Variants in SCFD1 observed in about 807,000 individuals in gnomAD.
SCFD1 encodes the protein sec1 family domain containing 1.
Under a neutral mutation model 103.2 loss-of-function variants are expected in SCFD1, and 37 were observed. The observed-to-expected ratio is 0.36, with a 90% CI of 0.28 to 0.47. SCFD1 has a LOEUF of 0.47. Among genes scored for constraint, SCFD1 ranks in the 20% least tolerant of loss-of-function variants. The pLI is 1.00. For missense variants in SCFD1, 639 were observed against 761.2 expected (o/e 0.84, Z 1.89); for synonymous variants, 264 against 245.0 (o/e 1.08, Z -0.73).
chr14:30,670,029 A>G, intron 10 of SCFD1: 1 of 385,044 alleles, frequency 2.6e-6, no homozygotes, highest in Non-Finnish European at 4.6e-6. Context: ...ATACACAAGC[A>G]TATTGACATG....
chr14:30,734,950 C>A, intron 24 of SCFD1, 92 bp downstream of exon 24: 1 of 1,012,242 alleles, frequency 9.9e-7, no homozygotes, highest in Non-Finnish European at 1.5e-6. Context: ...ACTTACTCAC[C>A]TGAACCAGCC....
At position 30,660,337 on chromosome 14, in the gene SCFD1, A is replaced by G. The variant is rs535440764; in HGVS notation, c.855+6749A>G. Among the ~76,000 whole-genome samples the G allele has an allele frequency of 4.9e-4, 74 of 152,284 alleles. 1 individual carries two copies. In the Middle Eastern group the frequency reaches 0.01, roughly 21 times the overall value. ...GTGGAAATTGATTAGATCTCATTCA[A>G]TTCTTTGTCAAGGCCACTTTAACTA... is the stretch of plus-strand genomic sequence containing the variant. On this transcript the variant is annotated intron_variant, in intron 10 of 24. Coordinates refer to ENST00000458591, the MANE Select transcript of SCFD1 (RefSeq NM_016106.4).
intron 22 of SCFD1, 28 bp from the exon 23 acceptor site, chr14:30,722,466 T>C: frequency 6.5e-7 from 1 of 1,548,586 alleles, no homozygotes; most frequent in Non-Finnish European, 8.8e-7. Context: ...AACTGTGTTT[T>C]TTTTTTTTTA....
chr14:30,644,776 C>T (rs1013611585), intron 7 of SCFD1, among the ~76,000 whole-genome samples: 1 of 152,042 alleles, frequency 6.6e-6, no homozygotes. Flanking sequence ...TTTTCCCATT[C>T]TGTAGGTTGT....
chr14:30,679,947 TTCTCA>T (rs768985279), intron 14 of SCFD1, among the ~76,000 whole-genome samples: 10 of 152,222 alleles, frequency 6.6e-5, no homozygotes, highest in African/African-American at 1.9e-4. Context: ...CTTTTATCTC[TTCTCA>T]TCTCAAGATT....
chr14:30,681,660 T>TA (rs1422161179), intron 14 of SCFD1, among the ~76,000 whole-genome samples: 1 of 151,792 alleles, frequency 6.6e-6, no homozygotes, highest in African/African-American at 2.4e-5. Flanking sequence ...ACAGCCAAGA[T>TA]AAAAAAGAGA....
intron 3 of SCFD1, among the ~76,000 whole-genome samples, chr14:30,631,289 G>T (rs965960583): frequency 6.6e-6 from 1 of 152,108 alleles, no homozygotes; most frequent in Non-Finnish European, 1.5e-5. Context: ...GGAGGCAGAG[G>T]TTGCAGTGAG....
intron 5 of SCFD1, among the ~76,000 whole-genome samples, chr14:30,638,757 C>T (rs936642682): frequency 6.6e-6 from 1 of 152,092 alleles, no homozygotes; most frequent in African/African-American, 2.4e-5. Flanking sequence ...ATCATAGTGA[C>T]TTTTTAGTCA....
intron 23 of SCFD1, among the ~76,000 whole-genome samples, chr14:30,733,683 C>T (rs575073603): frequency 6.6e-6 from 1 of 152,332 alleles, no homozygotes; most frequent in South Asian, 2.1e-4. Flanking sequence ...CTTGGGCTGG[C>T]TTGCCAGCAT....
intron 10 of SCFD1, among the ~76,000 whole-genome samples, chr14:30,660,896 T>C (rs946441014): frequency 1.3e-5 from 2 of 152,192 alleles, no homozygotes; most frequent in African/African-American, 4.8e-5. Context: ...TGCTTCCTGG[T>C]ATGAAAAATA....
At chr14:30,668,393 T>C (rs1416891243) in intron 10 of SCFD1, among the ~76,000 whole-genome samples, 1 of 152,126 alleles carries the variant, frequency 6.6e-6, no homozygotes. Context: ...TATACAAAAA[T>C]TAATTCAAGA....
intron 7 of SCFD1, 90 bp from the exon 8 acceptor site, chr14:30,649,438 C>A: frequency 3.9e-6 from 3 of 766,684 alleles, no homozygotes; most frequent in South Asian, 1.6e-5. Flanking sequence ...ATGTATCTAT[C>A]ACATCTGTTA....
Position 30,622,360 on chromosome 14 carries a change from ACAGCAG to A in SCFD1, c.33_38del (p.Ala12_Ala13del). On this transcript the variant is annotated inframe_deletion, in exon 1 of 25. Coordinates refer to ENST00000458591, the MANE Select transcript of SCFD1 (RefSeq NM_016106.4). ...CAAGATGGCGGCGGCGGCGGCAGCG[ACAGCAG>A]CAGCAGCAGCCAGTATTCGGGAAAG... 6.4e-7 allele frequency: 1 copy of A among 1,564,970 alleles called. No homozygotes were observed. The highest frequency in any genetic ancestry group is 8.7e-7 in the Non-Finnish European group (1 of 1,155,058).
Position 30,719,249 on chromosome 14 carries a change from A to G in SCFD1, c.1684-76A>G, listed in dbSNP as rs986864591. On this transcript the variant is annotated intron_variant, in intron 20 of 24. Transcript: ENST00000458591. Reference sequence around the variant, plus strand: ...CTACAAAATTGATAGATTCATTAAAATAGGATACTCTAAGCCAAACTGACC... The same window carrying G: ...CTACAAAATTGATAGATTCATTAAAGTAGGATACTCTAAGCCAAACTGACC... 6 of 863,108 alleles carry G rather than the reference A, an allele frequency of 7.0e-6. No individual in the cohort carries two copies. In the East Asian group the frequency reaches 9.7e-5, roughly 14 times the overall value. The allele number at this position is 863,108 out of a possible 1,614,324, so 53.5% of individuals were successfully genotyped here.
At chr14:30,655,608 G>A (rs181369901) in intron 10 of SCFD1, among the ~76,000 whole-genome samples, 1 of 152,182 alleles carries the variant, frequency 6.6e-6, no homozygotes, top group Non-Finnish European at 1.5e-5. Context: ...TGAGATGATA[G>A]CAGCTTATAG....
At chr14:30,630,372 C>T (rs1883979812) in intron 2 of SCFD1, 105 bp from the exon 3 acceptor site, 2 of 705,518 alleles carry the variant, frequency 2.8e-6, no homozygotes, top group East Asian at 2.7e-5. Context: ...GATAACAATT[C>T]AGTATATATG....
chr14:30,721,589 T>TA (rs34911616), intron 21 of SCFD1: 17,039 of 334,644 alleles, frequency 0.051, 566 homozygotes, highest in Non-Finnish European at 0.061. Context: ...AACCCAGACT[T>TA]ACGCTCCTCC....
rs572297744 is a variant in SCFD1, at chr14:30,677,692, A to G, written c.1242+2627A>G. 5.3e-5 allele frequency among the ~76,000 whole-genome samples: 8 copies of G among 152,124 alleles called. No homozygotes were observed. The South Asian group carries it at 1.7e-3, about 32-fold the overall frequency. The stretch of plus-strand genomic sequence containing the variant: ...CGGCATGTTTATTTATACCATTACT[A>G]TGTTAAGCCACCTACTGCTGGCTGT... On this transcript the variant is annotated intron_variant, in intron 14 of 24. Transcript: ENST00000458591.
chr14:30,715,162 T>C (rs185525034), intron 19 of SCFD1: 1 of 152,310 alleles, frequency 6.6e-6, no homozygotes, highest in East Asian at 1.9e-4. Flanking sequence ...GTACAAAAAA[T>C]ACCTTTTTAT....
Sources: gnomAD v4.1 joint callset for allele counts (sites outside exome capture counted in the v4.1 genomes callset) on GRCh38, gnomAD v4.1.1 for gene constraint, MANE v1.5 for transcripts, NCBI Gene and HGNC (gene_info 2026-07-23, HGNC 2026-07-21) for gene names.